The following APLF variants were observed in gnomAD, a reference collection of about 807,000 sequenced individuals.
APLF encodes aprataxin and PNKP like factor, also known as aprataxin and PNK-like factor.
In APLF, 61 loss-of-function variants were observed where a neutral mutation model predicts 55.6. That is an observed-to-expected ratio of 1.10 (90% confidence interval 0.89 to 1.36). APLF has a LOEUF of 1.36. Among genes scored for constraint, APLF ranks in the 40% most tolerant of loss-of-function variants. The pLI is 0.00. For synonymous variants in APLF, 207 were observed against 214.8 expected, an observed-to-expected ratio of 0.96 and a Z score of 0.32; for missense variants, 611 against 602.5, an observed-to-expected ratio of 1.01 and a Z score of -0.15.
chr2:68,558,700 A>C (rs1188991776), intron 8 of APLF, among the ~76,000 whole-genome samples: 4 of 152,076 alleles, frequency 2.6e-5, no homozygotes, highest in Non-Finnish European at 4.4e-5. Context: ...ATAGGTAAAC[A>C]TTTGCCATGA....
chr2:68,476,980 A>G (rs1675799067), intron 1 of APLF, among the ~76,000 whole-genome samples: 1 of 152,228 alleles, frequency 6.6e-6, no homozygotes. Context: ...ATATTTAAAA[A>G]ACATTGAAAA....
chr2:68,562,997 C>G, intron 8 of APLF: 2 of 882,574 alleles, frequency 2.3e-6, no homozygotes, highest in Non-Finnish European at 2.7e-6. Flanking sequence ...AATAAATACC[C>G]CAACAGCAAA....
chr2:68,504,786 AAAGC>A (rs1166344296), intron 3 of APLF, among the ~76,000 whole-genome samples: 3 of 152,018 alleles, frequency 2.0e-5, no homozygotes, highest in African/African-American at 7.2e-5. Flanking sequence ...ACCAAAAAGA[AAAGC>A]AAGCCACAAA....
At chr2:68,577,190 G>C (rs1486726481) in intron 9 of APLF, among the ~76,000 whole-genome samples, 3 of 152,146 alleles carry the variant, frequency 2.0e-5, no homozygotes, top group Admixed American at 6.6e-5. Context: ...GCTTTTGCTA[G>C]GTTTGCTGTG....
intron 1 of APLF, among the ~76,000 whole-genome samples, chr2:68,480,816 T>C (rs2103888013): frequency 6.6e-6 from 1 of 152,306 alleles, no homozygotes; most frequent in South Asian, 2.1e-4. Context: ...TGAGTGTTTA[T>C]CATGAAGGGA....
intron 7 of APLF, among the ~76,000 whole-genome samples, chr2:68,543,805 T>C (rs1237078810): frequency 1.3e-5 from 2 of 151,270 alleles, no homozygotes; most frequent in African/African-American, 2.4e-5. Flanking sequence ...GAATTAATCA[T>C]ATAAATATAA....
rs981718775 is a variant in APLF, at chr2:68,467,663, C to A, written c.-69C>A. 1.2e-5 allele frequency: 14 copies of A among 1,181,406 alleles called. No homozygotes were observed. Among genetic ancestry groups the A allele is most frequent in the African/African-American group, 1.6e-5 (1 of 63,330 alleles). 73.2% of individuals were successfully genotyped at this position (1,181,406 alleles called of 1,614,324 possible). A position where few individuals can be genotyped will look rare whatever the true frequency, so the allele number is the denominator to read the frequency against. ...TCCCAGGGCGTGGGCTTGCCCCGCG[C>A]GTGTCTGTGGAGGGCGGAAACAGCG... On this transcript the variant is annotated 5_prime_UTR_variant, in exon 1 of 10. Coordinates refer to ENST00000303795, the MANE Select transcript of APLF (RefSeq NM_173545.3).
chr2:68,531,928 C>A (rs1670268877), intron 6 of APLF, among the ~76,000 whole-genome samples: 1 of 152,156 alleles, frequency 6.6e-6, no homozygotes, highest in South Asian at 2.1e-4. Context: ...GAGGAATGCC[C>A]AAGTTCTATT....
At chr2:68,575,016 C>T (rs1404743077) in intron 9 of APLF, among the ~76,000 whole-genome samples, 1 of 152,206 alleles carries the variant, frequency 6.6e-6, no homozygotes, top group Non-Finnish European at 1.5e-5. Flanking sequence ...CAAAGCCCTG[C>T]TCTTGCAGAA....
chr2:68,494,168 C>T (rs1024616709), intron 2 of APLF, among the ~76,000 whole-genome samples: 4 of 144,248 alleles, frequency 2.8e-5, no homozygotes, highest in East Asian at 4.2e-4. Context: ...CTCAGTTACT[C>T]GGGAGGCTGA....
intron 5 of APLF, among the ~76,000 whole-genome samples, chr2:68,518,557 GTATCATGAATATATAATATATCAATAATA>G (rs1669742419): frequency 1.1e-5 from 1 of 90,214 alleles, no homozygotes; most frequent in Non-Finnish European, 1.8e-5. Context: ...TATCAATAAT[GTATCATGAATATATAATATATCAATAATA>G]TATCATGAAT....
chr2:68,522,525 A>T (rs1669923916), intron 5 of APLF, among the ~76,000 whole-genome samples: 1 of 151,840 alleles, frequency 6.6e-6, no homozygotes, highest in Non-Finnish European at 1.5e-5. Context: ...TTAATGTTAG[A>T]GCACTGAATT....
At chr2:68,552,717 T>C (rs891689824) in intron 8 of APLF, among the ~76,000 whole-genome samples, 42 of 152,142 alleles carry the variant, frequency 2.8e-4, no homozygotes, top group Non-Finnish European at 1.9e-4. Context: ...AAAATTGCTG[T>C]CTTCTTGTCA....
intron 8 of APLF, among the ~76,000 whole-genome samples, chr2:68,548,478 AGT>A (rs1324945973): frequency 6.6e-6 from 1 of 151,908 alleles, no homozygotes; most frequent in African/African-American, 2.4e-5. Flanking sequence ...AAAAATACTC[AGT>A]GTCATTAGTA....
chr2:68,509,287 C>G (rs1427653022), intron 3 of APLF, among the ~76,000 whole-genome samples: 4 of 152,014 alleles, frequency 2.6e-5, no homozygotes, highest in Non-Finnish European at 5.9e-5. Flanking sequence ...AACAGGCAAC[C>G]TACAGAATGG....
At chr2:68,572,289 TAA>T (rs1272574187) in intron 9 of APLF, among the ~76,000 whole-genome samples, 5 of 152,052 alleles carry the variant, frequency 3.3e-5, no homozygotes, top group Non-Finnish European at 7.4e-5. Context: ...TTAGTGCATT[TAA>T]AAAAATTACT....
At chr2:68,508,922 C>T (rs1196619044) in intron 3 of APLF, among the ~76,000 whole-genome samples, 1 of 152,038 alleles carries the variant, frequency 6.6e-6, no homozygotes, top group Non-Finnish European at 1.5e-5. Flanking sequence ...CACCACACAT[C>T]TACAACCATC....
rs145335462 is a variant in APLF, at chr2:68,524,875, A to G, written c.623-1186A>G. Among the ~76,000 whole-genome samples, 12 of 152,354 alleles carry G rather than the reference A, an allele frequency of 7.9e-5. No homozygotes were observed. The East Asian group carries it at 2.1e-3, about 27-fold the overall frequency. ...GAAGGACAATTTGCCATGGACAATTATGAATTTGTTAACAAAATATGATAG... is the reference window on the plus strand; with the variant it reads ...GAAGGACAATTTGCCATGGACAATTGTGAATTTGTTAACAAAATATGATAG... On this transcript the variant is annotated intron_variant, in intron 5 of 9. Transcript: ENST00000303795.
Position 68,579,899 on chromosome 2 carries a change from C to A in APLF, c.*1877C>A. On this transcript the variant is annotated 3_prime_UTR_variant, in exon 10 of 10. Transcript: ENST00000303795. ...CACAACTCTGTAAATATATTACAAA[C>A]AATGCATTGTACACTTTCAAAGGGT... The A allele has an allele frequency of 2.3e-6, 1 of 430,294 alleles. No individual in the cohort carries two copies. Among genetic ancestry groups the A allele is most frequent in the Non-Finnish European group, 3.1e-6 (1 of 322,992 alleles). The allele number at this position is 430,294 out of a possible 1,614,324, so 26.7% of individuals were successfully genotyped here.
Sources: gnomAD v4.1 joint callset for allele counts (sites outside exome capture counted in the v4.1 genomes callset) on GRCh38, gnomAD v4.1.1 for gene constraint, MANE v1.5 for transcripts, NCBI Gene and HGNC (gene_info 2026-07-23, HGNC 2026-07-21) for gene names.